Variants in MAPK8IP3 observed in about 807,000 individuals in gnomAD.
MAPK8IP3 encodes the protein C-Jun-amino-terminal kinase-interacting protein 3.
MAPK8IP3 carries 49 observed loss-of-function variants against 157.8 expected under a neutral mutation model. The ratio of observed to expected loss-of-function variants is 0.31; its 90% CI spans 0.25 to 0.39. MAPK8IP3 has a LOEUF of 0.39. MAPK8IP3 is among the 10% of genes least tolerant of loss of function. MAPK8IP3 has a pLI of 1.00. For missense variants in MAPK8IP3, 1,478 were observed against 1,889.4 expected (o/e 0.78, Z 4.04); for synonymous variants, 897 against 777.7 (o/e 1.15, Z -2.55).
chr16:1,758,843 T>C (rs1385010777), intron 9 of MAPK8IP3, 135 bp from the exon 10 acceptor site: 3 of 877,344 alleles, frequency 3.4e-6, no homozygotes, highest in South Asian at 3.0e-5. Context: ...GCACCCACCC[T>C]AACCCAGCAG....
rs983082843 is a variant in MAPK8IP3 at position 1,767,187 on chromosome 16, C to T, written c.3127C>T (p.Leu1043=). ...TCTGAGCAACTATCACCTAATGGAC[C>T]TGGGCCACCCGCACCACTCCATCCG... ...WDLSNYHLMD[L]GHPHHSIRCM... The change falls in exon 26 of 32, where the codon CTG becomes TTG. Residue 1043 remains leucine (L), a synonymous_variant. Transcript: ENST00000610761. 4.3e-6 allele frequency: 7 copies of T among 1,613,296 alleles called. No individual in the cohort carries two copies. The highest frequency in any genetic ancestry group is 1.6e-4 in the Middle Eastern group (1 of 6,062).
chr16:1,723,607 G>A (rs2038680745), intron 1 of MAPK8IP3, among the ~76,000 whole-genome samples: 1 of 152,148 alleles, frequency 6.6e-6, no homozygotes, highest in African/African-American at 2.4e-5. Flanking sequence ...GAGACAGAGC[G>A]AGACTCTCTC....
chr16:1,763,855 T>C (rs1306065807), intron 17 of MAPK8IP3, 72 bp downstream of exon 17: 5 of 59,398 alleles, frequency 8.4e-5, no homozygotes, highest in East Asian at 3.2e-4. Flanking sequence ...CGGGGCGCTG[T>C]GGGGCGGGGA....
At chr16:1,711,061 C>T (rs938136251) in intron 1 of MAPK8IP3, among the ~76,000 whole-genome samples, 1 of 152,270 alleles carries the variant, frequency 6.6e-6, no homozygotes, top group Non-Finnish European at 1.5e-5. Flanking sequence ...TGGCAGCAGT[C>T]AGACAGGGCC....
rs1440150921 is a variant in MAPK8IP3, at chr16:1,768,592, G to C, written c.3858G>C (p.Leu1286=). Residue 1286 remains leucine, a synonymous_variant, in exon 31 of 32, where the codon CTG becomes CTC. Transcript: ENST00000610761. ...EGQKLRNVLV[L]SGGEGYIDFR... ...AGAAGCTGCGGAACGTGCTGGTGCT[G>C]AGCGGCGGGGAGGGCTACATCGACT... is the stretch of plus-strand genomic sequence containing the variant. 3 of 1,590,228 alleles carry C rather than the reference G, an allele frequency of 1.9e-6. No individual in the cohort carries two copies. Among genetic ancestry groups the C allele is most frequent in the African/African-American group, 2.7e-5 (2 of 74,752 alleles).
rs773699315 is a variant in MAPK8IP3 at position 1,767,679 on chromosome 16, A to C, written c.3353A>C (p.His1118Pro). 6.2e-7 allele frequency: 1 copy of C among 1,612,776 alleles called. No homozygotes were observed. Among genetic ancestry groups the C allele is most frequent in the Admixed American group, 1.7e-5 (1 of 60,014 alleles). Residue 1118 changes from histidine to proline, a missense_variant, in exon 27 of 32, where the codon CAC becomes CCC. Transcript: ENST00000610761. ...TCCACCCTGAGGCTCTACCATGCACACACGCACCAGCATCTACAGGACGTG... is the reference window on the plus strand; with the variant it reads ...TCCACCCTGAGGCTCTACCATGCACCCACGCACCAGCATCTACAGGACGTG... ...LDSTLRLYHA[H>P]THQHLQDVDI... is the part of the protein sequence containing the mutation.
At chr16:1,739,091 AGCATCT>A (rs2040384405) in intron 4 of MAPK8IP3, among the ~76,000 whole-genome samples, 2 of 116,138 alleles carry the variant, frequency 1.7e-5, no homozygotes, top group Admixed American at 9.8e-5. Context: ...CATCCATGTG[AGCATCT>A]GTGTGACCGT....
At chr16:1,756,817 G>A (rs150646616) in intron 8 of MAPK8IP3, among the ~76,000 whole-genome samples, 17 of 152,096 alleles carry the variant, frequency 1.1e-4, no homozygotes, top group South Asian at 4.2e-4. Flanking sequence ...GTGAGACCCC[G>A]TCTCAAAAAA....
intron 4 of MAPK8IP3, among the ~76,000 whole-genome samples, chr16:1,736,652 G>A (rs551088343): frequency 7.8e-4 from 60 of 77,360 alleles, no homozygotes; most frequent in African/African-American, 2.9e-3. Flanking sequence ...GTGACCGTCC[G>A]TGTGAGCGTG....
At chr16:1,734,157 C>A (rs535144393) in intron 4 of MAPK8IP3, among the ~76,000 whole-genome samples, 1 of 152,304 alleles carries the variant, frequency 6.6e-6, no homozygotes, top group Non-Finnish European at 1.5e-5. Flanking sequence ...GGCCCCTGGG[C>A]CTCCTTGCCA....
At chr16:1,759,175 G>A (rs1228086037) in intron 10 of MAPK8IP3, among the ~76,000 whole-genome samples, 180 bp downstream of exon 10, 1 of 152,156 alleles carries the variant, frequency 6.6e-6, no homozygotes, top group South Asian at 2.1e-4. Context: ...GGGAGGTGGC[G>A]ACTTCCCCAA....
At chr16:1,760,155 C>A in intron 11 of MAPK8IP3, 140 bp downstream of exon 11, 1 of 1,049,194 alleles carries the variant, frequency 9.5e-7, no homozygotes, top group Non-Finnish European at 1.4e-6. Flanking sequence ...GCGGGAGGAA[C>A]TTGGAGCAGG....
chr16:1,768,553 G>A lies in MAPK8IP3; in HGVS notation c.3819G>A (p.Ser1273=), dbSNP rs766380329. The A allele has an allele frequency of 1.5e-5, 24 of 1,569,900 alleles. No homozygotes were observed. Among genetic ancestry groups the A allele is most frequent in the Admixed American group, 7.6e-5 (4 of 52,712 alleles). The change falls in exon 31 of 32, where the codon TCG becomes TCA. Residue 1273 remains serine (S), a synonymous_variant. Transcript: ENST00000610761. ...GCCCTGGGCCAGCTGCCCCTGCCTC[G>A]GAGGTCGAGGGCCAGAAGCTGCGGA... ...AEGPGPAAPA[S]EVEGQKLRNV...
intron 1 of MAPK8IP3, among the ~76,000 whole-genome samples, chr16:1,717,451 C>T (rs766816608): frequency 1.3e-5 from 2 of 152,146 alleles, no homozygotes; most frequent in Admixed American, 1.3e-4. Flanking sequence ...CCATGTTTTC[C>T]TTCATTTTGT....
intron 8 of MAPK8IP3, among the ~76,000 whole-genome samples, chr16:1,755,874 AGG>A (rs1036065900): frequency 4.0e-5 from 6 of 151,864 alleles, no homozygotes; most frequent in African/African-American, 1.2e-4. Flanking sequence ...AAAAAGGAAA[AGG>A]AAGTTTATAG....
At chr16:1,729,417 C>A in intron 3 of MAPK8IP3, 70 bp from the exon 4 acceptor site, 2 of 1,459,098 alleles carry the variant, frequency 1.4e-6, no homozygotes, top group East Asian at 2.3e-5. Flanking sequence ...GCCGGAAAAG[C>A]CTCACAGGTT....
chr16:1,721,936 A>AT (rs1567144006), intron 1 of MAPK8IP3, among the ~76,000 whole-genome samples: 1 of 150,926 alleles, frequency 6.6e-6, no homozygotes, highest in African/African-American at 2.4e-5. Flanking sequence ...CGCCCAGCTA[A>AT]TTTTTTTTAT....
At chr16:1,748,116 CT>C (rs1163889112) in intron 6 of MAPK8IP3, 127 bp from the exon 7 acceptor site, 4 of 683,670 alleles carry the variant, frequency 5.9e-6, no homozygotes, top group Non-Finnish European at 1.0e-5. Context: ...GAGCTGTTTT[CT>C]GATCATCCCC....
rs763118166 is a variant in MAPK8IP3 at position 1,764,465 on chromosome 16, C to A, written c.2280+6C>A. ...CGTCTCCCGAGAAGAAGAAGGTGAG[C>A]ATGGCCGAGGCCACCGGGCACCCTC... is the stretch of plus-strand genomic sequence containing the variant. On this transcript the variant is annotated splice_donor_region_variant and intron_variant, in intron 19 of 31. Coordinates refer to ENST00000610761, the MANE Select transcript of MAPK8IP3 (RefSeq NM_001318852.2). The A allele has an allele frequency of 1.9e-6, 3 of 1,607,514 alleles. No homozygotes were observed. Among genetic ancestry groups the A allele is most frequent in the Admixed American group, 3.4e-5 (2 of 59,598 alleles).
Sources: allele counts gnomAD v4.1 joint callset (sites outside exome capture counted in the v4.1 genomes callset), GRCh38; gene constraint gnomAD v4.1.1; transcripts MANE v1.5; gene names NCBI Gene and HGNC (gene_info 2026-07-23, HGNC 2026-07-21).